Variants in AGMO observed in about 807,000 individuals in gnomAD.
AGMO encodes the protein alkylglycerol monooxygenase.
AGMO carries 75 observed loss-of-function variants against 60.2 expected under a neutral mutation model. The ratio of observed to expected loss-of-function variants is 1.25; its 90% CI spans 1.03 to 1.51. The LOEUF is 1.51. Ranked by LOEUF, AGMO falls within the 40% of genes most tolerant of loss-of-function variation. The pLI is 0.00. For missense variants in AGMO, 763 were observed against 525.5 expected (o/e 1.45, Z -4.42); for synonymous variants, 261 against 177.1 (o/e 1.47, Z -3.76).
Position 15,254,136 on chromosome 7 carries a change from A to G in AGMO, c.1264-52777T>C, listed in dbSNP as rs542487805. On this transcript the variant is annotated intron_variant, in intron 12 of 12. Transcript: ENST00000342526. The stretch of plus-strand genomic sequence containing the variant: ...TATTCTTTCTTTTTTCCATTCATCC[A>G]TTGATGGGCATTTAGACTGATTACA... 3.8e-3 allele frequency among the ~76,000 whole-genome samples: 577 copies of G among 152,084 alleles called. 5 individuals are homozygous for G. The highest frequency in any genetic ancestry group is 0.013 in the African/African-American group (550 of 41,496).
chr7:15,536,275 G>A (rs1562560425), intron 3 of AGMO, among the ~76,000 whole-genome samples: 1 of 151,754 alleles, frequency 6.6e-6, no homozygotes, highest in East Asian at 1.9e-4. Flanking sequence ...ACAAAGAGTT[G>A]AACTCAGGGA....
chr7:15,420,185 A>G (rs1351422151), intron 4 of AGMO, among the ~76,000 whole-genome samples: 5 of 152,132 alleles, frequency 3.3e-5, no homozygotes, highest in African/African-American at 7.2e-5. Context: ...AATGACAGCT[A>G]TTATGGAAAA....
chr7:15,387,375 C>T, intron 9 of AGMO, 31 bp downstream of exon 9: 1 of 1,604,410 alleles, frequency 6.2e-7, no homozygotes, highest in Non-Finnish European at 8.5e-7. Flanking sequence ...AGACAATCTT[C>T]ACCATCTCCA....
intron 3 of AGMO, among the ~76,000 whole-genome samples, chr7:15,446,114 A>C (rs1345146526): frequency 2.0e-5 from 3 of 152,206 alleles, no homozygotes; most frequent in African/African-American, 4.8e-5. Context: ...TTAAAAGATC[A>C]TGAAGCAAAA....
intron 12 of AGMO, among the ~76,000 whole-genome samples, chr7:15,255,260 T>C (rs924392225): frequency 1.3e-5 from 2 of 152,046 alleles, no homozygotes; most frequent in African/African-American, 4.8e-5. Flanking sequence ...ATACCTCATA[T>C]AGGTGAAAGG....
At chr7:15,356,150 T>TA (rs1370283911) in intron 12 of AGMO, among the ~76,000 whole-genome samples, 1 of 152,158 alleles carries the variant, frequency 6.6e-6, no homozygotes, top group African/African-American at 2.4e-5. Flanking sequence ...TGGCATCAGC[T>TA]AAAGAATTTA....
intron 10 of AGMO, among the ~76,000 whole-genome samples, chr7:15,370,794 T>C (rs1343157450): frequency 6.6e-6 from 1 of 152,190 alleles, no homozygotes; most frequent in African/African-American, 2.4e-5. Flanking sequence ...TATTAGTCCT[T>C]TGTCAGATGG....
intron 3 of AGMO, among the ~76,000 whole-genome samples, chr7:15,471,420 T>C (rs1254640874): frequency 6.6e-6 from 1 of 151,926 alleles, no homozygotes; most frequent in Non-Finnish European, 1.5e-5. Context: ...CCATTCTCTA[T>C]AACTATAAAA....
chr7:15,192,398 G>A, the AGMO span, among the ~76,000 whole-genome samples: 1,774 of 151,974 alleles, frequency 0.012, 37 homozygotes, highest in African/African-American at 0.04. Flanking sequence ...GTTCGGCTGG[G>A]GATGGTTGGA....
At chr7:15,345,374 T>TC (rs1042955589) in intron 12 of AGMO, among the ~76,000 whole-genome samples, 1 of 152,164 alleles carries the variant, frequency 6.6e-6, no homozygotes, top group African/African-American at 2.4e-5. Flanking sequence ...CTGGATGCCC[T>TC]CCCTCATACC....
At chr7:15,130,532 A>G in the AGMO span, among the ~76,000 whole-genome samples, 1 of 152,138 alleles carries the variant, frequency 6.6e-6, no homozygotes, top group Non-Finnish European at 1.5e-5. Flanking sequence ...TTTCACAAAA[A>G]GGTTCTCTAA....
At chr7:15,326,846 C>T (rs1167068266) in intron 12 of AGMO, among the ~76,000 whole-genome samples, 2 of 152,056 alleles carry the variant, frequency 1.3e-5, no homozygotes, top group Non-Finnish European at 2.9e-5. Context: ...GATTTGGTGC[C>T]CTCTGCCATT....
intron 12 of AGMO, among the ~76,000 whole-genome samples, chr7:15,356,952 A>AC (rs1782554775): frequency 7.9e-6 from 1 of 126,694 alleles, no homozygotes; most frequent in African/African-American, 3.0e-5. Context: ...TACTAAAATT[A>AC]CAAAAAAAAA....
intron 5 of AGMO, among the ~76,000 whole-genome samples, chr7:15,400,741 GAAAC>G (rs1350366965): frequency 6.6e-6 from 1 of 152,040 alleles, no homozygotes. Flanking sequence ...ATAAACAAAA[GAAAC>G]AAAATCACAG....
intron 12 of AGMO, among the ~76,000 whole-genome samples, chr7:15,332,264 C>G (rs150151867): frequency 0.014 from 2,079 of 152,236 alleles, 35 homozygotes; most frequent in African/African-American, 0.042. Flanking sequence ...ACCTTTCTCC[C>G]TATCAGGACT....
At chr7:15,211,115 C>T (rs1451163533) in intron 12 of AGMO, among the ~76,000 whole-genome samples, 2 of 151,948 alleles carry the variant, frequency 1.3e-5, no homozygotes, top group African/African-American at 2.4e-5. Flanking sequence ...CAGTTCAACA[C>T]AAACTATTTT....
intron 3 of AGMO, among the ~76,000 whole-genome samples, chr7:15,444,664 T>C (rs187677126): frequency 2.8e-4 from 42 of 152,310 alleles, no homozygotes; most frequent in Admixed American, 2.1e-3. Flanking sequence ...TCCCTTGTTC[T>C]CATCTAACTT....
chr7:15,546,549 C>A (rs1057100052), intron 2 of AGMO, among the ~76,000 whole-genome samples: 16 of 152,212 alleles, frequency 1.1e-4, no homozygotes, highest in Admixed American at 3.9e-4. Flanking sequence ...GGTGTCCAAA[C>A]CCCTCAACCT....
the AGMO span, among the ~76,000 whole-genome samples, chr7:15,153,493 T>C: frequency 6.6e-6 from 1 of 152,196 alleles, no homozygotes; most frequent in East Asian, 1.9e-4. Flanking sequence ...TTGAAGTCTT[T>C]GATCCATTTT....
Sources: gnomAD v4.1 joint callset for allele counts (sites outside exome capture counted in the v4.1 genomes callset) on GRCh38, gnomAD v4.1.1 for gene constraint, MANE v1.5 for transcripts, NCBI Gene and HGNC (gene_info 2026-07-23, HGNC 2026-07-21) for gene names.